GMDS: variants seen among roughly 807,000 people sequenced by gnomAD.
The protein encoded by GMDS is GDP-mannose 4,6-dehydratase.
GMDS carries 20 observed loss-of-function variants against 49.9 expected under a neutral mutation model. The observed-to-expected ratio is 0.40, with a 90% CI of 0.28 to 0.58. The LOEUF is 0.58. Ranked by LOEUF, GMDS falls within the 20% of genes least tolerant of loss-of-function variation. The probability of loss-of-function intolerance (pLI) is 0.42; values close to 1 mark genes in which losing one functional copy is unlikely to be tolerated. For missense variants in GMDS, 362 were observed against 481.4 expected (o/e 0.75, Z 2.32); for synonymous variants, 177 against 178.6 (o/e 0.99, Z 0.07).
intron 4 of GMDS, among the ~76,000 whole-genome samples, chr6:2,058,497 A>G (rs1770911398): frequency 1.3e-5 from 2 of 152,182 alleles, no homozygotes; most frequent in Admixed American, 1.3e-4. Flanking sequence ...CCCCAAAACA[A>G]GCCAAAACCC....
intron 7 of GMDS, among the ~76,000 whole-genome samples, chr6:1,798,825 C>T (rs547703486): frequency 3.3e-5 from 5 of 152,318 alleles, no homozygotes; most frequent in African/African-American, 1.2e-4. Context: ...TTGTTGACAC[C>T]TACACCGGGT....
chr6:2,074,585 GAAC>G (rs1168014130), intron 4 of GMDS, among the ~76,000 whole-genome samples: 1 of 152,082 alleles, frequency 6.6e-6, no homozygotes, highest in Non-Finnish European at 1.5e-5. Context: ...TCTTTGTCTA[GAAC>G]AACATCCTTA....
intron 6 of GMDS, 80 bp downstream of exon 6, chr6:1,959,787 G>A: frequency 1.3e-6 from 1 of 774,616 alleles, no homozygotes; most frequent in Admixed American, 2.5e-5. Flanking sequence ...AGTCTCTGTA[G>A]TACATACACC....
intron 8 of GMDS, among the ~76,000 whole-genome samples, chr6:1,733,277 G>A (rs888157412): frequency 1.3e-5 from 2 of 152,254 alleles, no homozygotes; most frequent in Non-Finnish European, 2.9e-5. Context: ...GAGGAGGGCG[G>A]TCAGCACTGC....
chr6:1,928,303 T>C (rs1303896128), intron 7 of GMDS, among the ~76,000 whole-genome samples: 1 of 150,706 alleles, frequency 6.6e-6, no homozygotes, highest in Non-Finnish European at 1.5e-5. Flanking sequence ...AGGCAGAGGT[T>C]GCAGTGAGCC....
chr6:1,997,325 T>C (rs567585644), intron 4 of GMDS, among the ~76,000 whole-genome samples: 267 of 151,902 alleles, frequency 1.8e-3, no homozygotes, highest in African/African-American at 5.8e-3. Context: ...CTGGCCAACA[T>C]GGTGAAACAC....
intron 4 of GMDS, among the ~76,000 whole-genome samples, chr6:2,043,872 A>AC (rs994985581): frequency 7.2e-5 from 11 of 152,040 alleles, no homozygotes; most frequent in Non-Finnish European, 1.2e-4. Context: ...GCAGAAAAAA[A>AC]AACAACAACA....
intron 9 of GMDS, among the ~76,000 whole-genome samples, chr6:1,683,644 C>T (rs929283098): frequency 6.6e-6 from 1 of 152,182 alleles, no homozygotes; most frequent in Admixed American, 6.5e-5. Context: ...TGACACGATA[C>T]ACGCATTTGG....
At chr6:1,847,099 T>C (rs1347496167) in intron 7 of GMDS, among the ~76,000 whole-genome samples, 3 of 152,154 alleles carry the variant, frequency 2.0e-5, no homozygotes, top group Admixed American at 2.0e-4. Flanking sequence ...CTCTGCCACC[T>C]AGGCTGGTGT....
intron 7 of GMDS, among the ~76,000 whole-genome samples, chr6:1,772,999 C>T (rs959851144): frequency 2.0e-5 from 3 of 152,156 alleles, no homozygotes; most frequent in African/African-American, 7.2e-5. Context: ...GCCTGCTAAT[C>T]CCTATTTGCA....
intron 7 of GMDS, among the ~76,000 whole-genome samples, chr6:1,774,116 C>A (rs1178585020): frequency 1.3e-5 from 2 of 152,238 alleles, no homozygotes; most frequent in African/African-American, 4.8e-5. Context: ...CTGACTATAT[C>A]AGAGGCAAGG....
intron 7 of GMDS, among the ~76,000 whole-genome samples, chr6:1,850,622 A>G (rs548012774): frequency 2.7e-4 from 41 of 152,334 alleles, no homozygotes; most frequent in Non-Finnish European, 4.9e-4. Context: ...TTGGAGATGC[A>G]TTAATTTAAA....
intron 7 of GMDS, among the ~76,000 whole-genome samples, chr6:1,874,706 C>T (rs1339610871): frequency 2.6e-5 from 4 of 152,124 alleles, no homozygotes; most frequent in African/African-American, 9.7e-5. Flanking sequence ...ATATAATATA[C>T]ATCAGCACAA....
chr6:1,743,509 C>T (rs988825154), intron 7 of GMDS, among the ~76,000 whole-genome samples: 1 of 132,892 alleles, frequency 7.5e-6, no homozygotes, highest in Non-Finnish European at 1.6e-5. Context: ...CGCCACTGCA[C>T]TCCAGCCTGG....
Position 1,712,962 on chromosome 6 carries a change from G to A in GMDS, c.987+13454C>T, listed in dbSNP as rs185950219. The stretch of plus-strand genomic sequence containing the variant: ...AATGTCCGTGGATGACCAGGGACAC[G>A]GGGCAGACACAAGGCCGTTTCTGCT... On this transcript the variant is annotated intron_variant, in intron 9 of 10. Coordinates refer to ENST00000380815, the MANE Select transcript of GMDS (RefSeq NM_001500.4). 4.6e-5 allele frequency among the ~76,000 whole-genome samples: 7 copies of A among 152,314 alleles called. No individual in the cohort carries two copies. In the East Asian group the frequency reaches 7.7e-4, roughly 17 times the overall value.
At chr6:1,939,928 T>C (rs1355949654) in intron 6 of GMDS, among the ~76,000 whole-genome samples, 2 of 151,686 alleles carry the variant, frequency 1.3e-5, no homozygotes, top group Non-Finnish European at 2.9e-5. Context: ...AGAAACCCTA[T>C]GGGAGGTTCA....
intron 7 of GMDS, among the ~76,000 whole-genome samples, chr6:1,747,478 ATG>A (rs1235601456): frequency 0.014 from 1,644 of 114,398 alleles, 27 homozygotes; most frequent in African/African-American, 0.042. Context: ...ACACACGCTC[ATG>A]CGTGTGCGCG....
intron 9 of GMDS, among the ~76,000 whole-genome samples, chr6:1,690,820 C>G (rs1236558421): frequency 6.6e-6 from 1 of 152,204 alleles, no homozygotes; most frequent in Non-Finnish European, 1.5e-5. Context: ...GATACCATCT[C>G]AAACCAGTCA....
At chr6:1,638,874 C>A (rs1429619609) in intron 9 of GMDS, among the ~76,000 whole-genome samples, 1 of 152,136 alleles carries the variant, frequency 6.6e-6, no homozygotes, top group African/African-American at 2.4e-5. Context: ...TAGAGTGAGT[C>A]TGGAGGTACA....
Sources: gnomAD v4.1 joint callset for allele counts (sites outside exome capture counted in the v4.1 genomes callset) on GRCh38, gnomAD v4.1.1 for gene constraint, MANE v1.5 for transcripts, NCBI Gene and HGNC (gene_info 2026-07-23, HGNC 2026-07-21) for gene names.